ZIM2: variants seen among roughly 807,000 people sequenced by gnomAD.
The protein encoded by ZIM2 is zinc finger protein 656.
ZIM2 carries 14 observed loss-of-function variants against 38.6 expected under a neutral mutation model. The observed-to-expected ratio is 0.36, with a 90% confidence interval of 0.24 to 0.57. The LOEUF (loss-of-function observed/expected upper bound fraction) is 0.57, where lower values mean the gene tolerates loss of function less well. ZIM2 is among the 20% of genes least tolerant of loss of function. ZIM2 has a pLI of 0.81. For missense variants in ZIM2, 680 were observed against 695.1 expected, an observed-to-expected ratio of 0.98 and a Z score of 0.24; for synonymous variants, 247 against 245.8, an observed-to-expected ratio of 1.00 and a Z score of -0.04.
chr19:56,832,212 T>G (rs1175374050), intron 2 of ZIM2, among the ~76,000 whole-genome samples: 2 of 152,230 alleles, frequency 1.3e-5, no homozygotes, highest in East Asian at 3.8e-4. Flanking sequence ...AATTACTGTT[T>G]CCTAGCGTGT....
chr19:56,839,305 A>C (rs1017390855), intron 1 of ZIM2, among the ~76,000 whole-genome samples: 2 of 149,430 alleles, frequency 1.3e-5, no homozygotes, highest in African/African-American at 2.5e-5. Context: ...GCAGATCGTC[A>C]TATCCAATGC....
intron 9 of ZIM2, among the ~76,000 whole-genome samples, chr19:56,806,668 G>C (rs113382917): frequency 3.3e-5 from 5 of 152,298 alleles, no homozygotes; most frequent in African/African-American, 1.2e-4. Flanking sequence ...GAATGTTTGT[G>C]TCCCCACAAA....
At chr19:56,795,263 C>T (rs998978216) in intron 9 of ZIM2, among the ~76,000 whole-genome samples, 4 of 152,176 alleles carry the variant, frequency 2.6e-5, no homozygotes, top group Admixed American at 6.5e-5. Context: ...GGCAGTCAGA[C>T]GCAGCCCTCG....
chr19:56,799,781 G>A (rs1291640947), intron 9 of ZIM2: 3 of 152,138 alleles, frequency 2.0e-5, no homozygotes, highest in Non-Finnish European at 4.4e-5. Flanking sequence ...TCTGGAAACA[G>A]CCCAGGTGTC....
rs143841099 is a variant in ZIM2, at chr19:56,775,081, C to A, written c.1284G>T (p.Ala428=). ...GAATTCTTACACGTTCACAGAGATT[C>A]GCACACTGGACGGAAGGCTTTCTAC... ...NEGRKPSVQC[A]NLCERVRIHS... is the part of the protein sequence containing the mutation. Residue 428 remains alanine (A), a synonymous_variant, in exon 13 of 13, where the codon GCG becomes GCT. Coordinates refer to ENST00000629319, the MANE Select transcript of ZIM2 (RefSeq NM_001387356.1). The A allele has an allele frequency of 4.3e-6, 7 of 1,614,016 alleles. No homozygotes were observed. Among genetic ancestry groups the A allele is most frequent in the Non-Finnish European group, 5.9e-6 (7 of 1,180,044 alleles).
At chr19:56,816,024 GGTA>G in intron 9 of ZIM2, 1 of 1,593,384 alleles carries the variant, frequency 6.3e-7, no homozygotes, top group Non-Finnish European at 8.5e-7. Flanking sequence ...AGCTCTGAAT[GGTA>G]GACTCTGCCA....
chr19:56,825,610 C>A (rs1410901027), intron 3 of ZIM2, among the ~76,000 whole-genome samples: 1 of 152,038 alleles, frequency 6.6e-6, no homozygotes, highest in East Asian at 1.9e-4. Flanking sequence ...TTCCTTAAAG[C>A]ATTTTTGCTA....
At chr19:56,833,581 G>C in intron 2 of ZIM2, 1 of 183,612 alleles carries the variant, frequency 5.4e-6, no homozygotes, top group East Asian at 1.5e-4. Context: ...TTCTAGGGCA[G>C]TGGTTCTCAA....
Position 56,814,564 on chromosome 19 carries a change from T to A in ZIM2, c.490+3182A>T, listed in dbSNP as rs747830167. On this transcript the variant is annotated intron_variant, in intron 9 of 12. Transcript: ENST00000629319. This position sits in a 1 kb window ranked among gnomAD's most constrained non-coding sequence, Gnocchi z 5.8. Reference sequence around the variant, plus strand: ...TACGTGATCTGCAAGTTCTGCTGGGTTGACGAAAGATTCTCCACAGACTGC... The same window carrying A: ...TACGTGATCTGCAAGTTCTGCTGGGATGACGAAAGATTCTCCACAGACTGC... 2 of 1,613,882 alleles carry A rather than the reference T, an allele frequency of 1.2e-6. No homozygotes were observed. Among genetic ancestry groups the A allele is most frequent in the Non-Finnish European group, 1.7e-6 (2 of 1,179,866 alleles).
chr19:56,822,494 C>A, intron 6 of ZIM2: 1 of 339,542 alleles, frequency 2.9e-6, no homozygotes, highest in Non-Finnish European at 4.9e-6. Context: ...CAGAAACTTC[C>A]AGTTTTTTTT....
intron 10 of ZIM2, among the ~76,000 whole-genome samples, chr19:56,784,430 T>C (rs1396817417): frequency 6.6e-6 from 1 of 152,200 alleles, no homozygotes; most frequent in Non-Finnish European, 1.5e-5. Flanking sequence ...TTGAATTTAG[T>C]TGTAGAAAAG....
chr19:56,814,861 T>G lies in ZIM2; in HGVS notation c.490+2885A>C, dbSNP rs773424249. 1.2e-6 allele frequency: 2 copies of G among 1,614,036 alleles called. No homozygotes were observed. Among genetic ancestry groups the G allele is most frequent in the Non-Finnish European group, 1.7e-6 (2 of 1,180,038 alleles). On this transcript the variant is annotated intron_variant, in intron 9 of 12. Transcript: ENST00000629319. This position sits in a 1 kb window ranked among gnomAD's most constrained non-coding sequence, Gnocchi z 5.8. ...GGCAATAAAACCATCATCACACCCC[T>G]TCATGGAATACAACTGGTCTTGTTC... is the stretch of plus-strand genomic sequence containing the variant.
chr19:56,775,685 T>C (rs1407256264), intron 12 of ZIM2, among the ~76,000 whole-genome samples, 156 bp from the exon 13 acceptor site: 4 of 152,062 alleles, frequency 2.6e-5, no homozygotes, highest in Admixed American at 2.6e-4. Flanking sequence ...ATTCCTCTAT[T>C]CTTTTTACTC....
In ZIM2 at chr19:56,774,856, G is replaced by A. The variant is rs2045921887; in HGVS notation, c.1509C>T (p.Gly503=). Residue 503 remains glycine (G), a synonymous_variant, in exon 13 of 13, where the codon GGC becomes GGT. Coordinates refer to ENST00000629319, the MANE Select transcript of ZIM2 (RefSeq NM_001387356.1). ...GATATGAATTCCGACTGAAGACTCT[G>A]CCACAGTCACAACACTGGCAGGCTC... ...GERACQCCDC[G]RVFSRNSYLI... 6.2e-7 allele frequency: 1 copy of A among 1,614,026 alleles called. No individual in the cohort carries two copies. The highest frequency in any genetic ancestry group is 8.5e-7 in the Non-Finnish European group (1 of 1,180,028).
In ZIM2 at chr19:56,786,841, CTTGTTTGTTTTTT is replaced by C. The variant is rs2046633425; in HGVS notation, c.570+3018_570+3030del. ...TTGTTTTTTGTTTTGTTTTGTTTTT[CTTGTTTGTTTTTT>C]GAGATAGAGTCTCACTCTGTTGCCC... is the stretch of plus-strand genomic sequence containing the variant. On this transcript the variant is annotated intron_variant, in intron 10 of 12. Coordinates refer to ENST00000629319, the MANE Select transcript of ZIM2 (RefSeq NM_001387356.1). Among the ~76,000 whole-genome samples the C allele has an allele frequency of 2.6e-5, 4 of 151,968 alleles. No homozygotes were observed. In the South Asian group the frequency reaches 8.3e-4, roughly 32 times the overall value.
chr19:56,808,627 G>A (rs566366044), intron 9 of ZIM2, among the ~76,000 whole-genome samples: 21 of 152,228 alleles, frequency 1.4e-4, no homozygotes, highest in African/African-American at 5.1e-4. Context: ...AAACTCGAGA[G>A]CTGGCTAGCC....
chr19:56,816,208 T>A (rs1568633396), intron 9 of ZIM2: 1 of 1,614,204 alleles, frequency 6.2e-7, no homozygotes, highest in Admixed American at 1.7e-5. Flanking sequence ...CTTTTCGTCC[T>A]CATCACTTTC....
chr19:56,824,193 T>C, intron 4 of ZIM2, 69 bp downstream of exon 4: 1 of 1,565,026 alleles, frequency 6.4e-7, no homozygotes, highest in Middle Eastern at 2.3e-4. Context: ...GTCAGAAGTG[T>C]GGAGGCTGAG....
intron 2 of ZIM2, among the ~76,000 whole-genome samples, chr19:56,832,189 T>C (rs766985129): frequency 2.6e-5 from 4 of 152,226 alleles, no homozygotes; most frequent in Non-Finnish European, 4.4e-5. Context: ...AATATAAAAA[T>C]GTAAGTAAAT....
Sources: gnomAD v4.1 joint callset for allele counts (sites outside exome capture counted in the v4.1 genomes callset) on GRCh38, gnomAD v4.1.1 for gene constraint, Gnocchi (gnomAD v3.1) non-coding constraint, MANE v1.5 for transcripts, NCBI Gene and HGNC (gene_info 2026-07-23, HGNC 2026-07-21) for gene names.